The following CADPS variants were observed in gnomAD, a reference collection of about 807,000 sequenced individuals.
CADPS encodes calcium dependent secretion activator.
A neutral mutation model predicts 167.3 loss-of-function variants in CADPS; 57 were observed. The ratio of observed to expected loss-of-function variants is 0.34; its 90% CI spans 0.28 to 0.42. The LOEUF is 0.42. CADPS is among the 20% of genes least tolerant of loss of function. The probability of loss-of-function intolerance (pLI) is 1.00; values close to 1 mark genes in which losing one functional copy is unlikely to be tolerated. For missense variants in CADPS, 1,414 were observed against 1,738.1 expected (o/e 0.81, Z 3.32); for synonymous variants, 676 against 635.3 (o/e 1.06, Z -0.96).
chr3:62,618,703 C>A (rs2062714638), intron 6 of CADPS, among the ~76,000 whole-genome samples: 1 of 152,168 alleles, frequency 6.6e-6, no homozygotes. Flanking sequence ...ACTGGGCTGG[C>A]ACTACTGCAT....
chr3:62,630,409 C>G (rs2065055766), intron 6 of CADPS, among the ~76,000 whole-genome samples: 2 of 152,172 alleles, frequency 1.3e-5, no homozygotes, highest in African/African-American at 2.4e-5. Context: ...GGTGAGATCT[C>G]TGTTCACTGC....
At chr3:62,520,230 C>A (rs2070142405) in intron 13 of CADPS, among the ~76,000 whole-genome samples, 1 of 152,172 alleles carries the variant, frequency 6.6e-6, no homozygotes, top group African/African-American at 2.4e-5. Flanking sequence ...CATTCATTAC[C>A]CTACAAGCCT....
chr3:62,555,686 C>T (rs187679064), intron 10 of CADPS, among the ~76,000 whole-genome samples: 284 of 152,194 alleles, frequency 1.9e-3, no homozygotes, highest in Middle Eastern at 6.8e-3. Context: ...GTATTGATTT[C>T]CCTTCTCATA....
intron 1 of CADPS, among the ~76,000 whole-genome samples, chr3:62,770,479 G>A (rs1037777496): frequency 2.6e-5 from 4 of 152,148 alleles, no homozygotes; most frequent in South Asian, 4.1e-4. Flanking sequence ...AGGCTGGAGT[G>A]CAGTGGTGCC....
rs2059828810 is a variant in CADPS at position 62,465,428 on chromosome 3, A to C, written c.3575T>G (p.Val1192Gly). 12 of 1,609,728 alleles carry C rather than the reference A, an allele frequency of 7.5e-6. No individual in the cohort carries two copies. Among genetic ancestry groups the C allele is most frequent in the Non-Finnish European group, 1.0e-5 (12 of 1,178,228 alleles). Residue 1192 changes from valine (V) to glycine (G), a missense_variant, in exon 26 of 30, where the codon GTG (valine) becomes GGG (glycine). Transcript: ENST00000383710. The surrounding 1 kb of genome is among the most constrained non-coding windows in gnomAD (Gnocchi z 4.1). Reference sequence around the variant, plus strand: ...GTCATATCTGGATAATTTTGCCAGCACTCCTTCCAAGATAGTAACGAACTA... The same window carrying C: ...GTCATATCTGGATAATTTTGCCAGCCCTCCTTCCAAGATAGTAACGAACTA... ...VAKFVTILEG[V>G]LAKLSRYDEG... is the part of the protein sequence containing the mutation.
intron 3 of CADPS, among the ~76,000 whole-genome samples, chr3:62,736,918 T>C (rs1618807): frequency 0.66 from 100,862 of 151,964 alleles, 35,660 homozygotes; most frequent in African/African-American, 0.92. Flanking sequence ...GCAGGTTAAT[T>C]GCGAGGTTAG....
intron 3 of CADPS, among the ~76,000 whole-genome samples, chr3:62,672,028 C>G (rs758205460): frequency 1.3e-5 from 2 of 152,162 alleles, no homozygotes; most frequent in Non-Finnish European, 2.9e-5. Context: ...GATCCACCCA[C>G]CTCAGCCTCT....
chr3:62,596,749 A>G (rs1451656829), intron 6 of CADPS, among the ~76,000 whole-genome samples: 1 of 152,194 alleles, frequency 6.6e-6, no homozygotes, highest in African/African-American at 2.4e-5. Flanking sequence ...ACACATATTT[A>G]TCAAGCACTT....
rs554950742 is a variant in CADPS at position 62,399,432 on chromosome 3, C to T, written c.4036G>A (p.Asp1346Asn). ...GLQGISMKDS[D>N]EEDEEDD ...TAATCGTCTTCTTCGTCTTCCTCAT[C>T]GCTGTCCTTCATGCTGATGCCCTGC... The change falls in exon 30 of 30, where the codon GAT (aspartate) becomes AAT (asparagine). Residue 1346 changes from aspartate to asparagine, a missense_variant. By Grantham distance (23) the Asp-to-Asn change is conservative. This residue lies in a region of CADPS where 185 missense variants were observed against 251.5 expected (regional missense o/e 0.74). Transcript: ENST00000383710. This position sits in a 1 kb window ranked among gnomAD's most constrained non-coding sequence, Gnocchi z 5.6. 9 of 1,614,172 alleles carry T rather than the reference C, an allele frequency of 5.6e-6. No homozygotes were observed. The highest frequency in any genetic ancestry group is 2.2e-5 in the East Asian group (1 of 44,884).
chr3:62,747,239 T>C (rs941477716), intron 3 of CADPS, among the ~76,000 whole-genome samples: 7 of 152,240 alleles, frequency 4.6e-5, no homozygotes, highest in Non-Finnish European at 1.0e-4. Flanking sequence ...ATTTCTTCTG[T>C]AGATATTCAG....
chr3:62,600,764 C>T (rs150519960), intron 6 of CADPS, among the ~76,000 whole-genome samples: 275 of 152,302 alleles, frequency 1.8e-3, no homozygotes, highest in African/African-American at 6.0e-3. Context: ...ACACTTATAA[C>T]GTGTGAGAGT....
intron 3 of CADPS, among the ~76,000 whole-genome samples, chr3:62,752,216 G>A (rs1486078534): frequency 6.6e-6 from 1 of 152,102 alleles, no homozygotes; most frequent in Non-Finnish European, 1.5e-5. Flanking sequence ...CTGCTACATG[G>A]TGGGATGTAG....
At chr3:62,405,285 T>C (rs756882712) in intron 28 of CADPS, among the ~76,000 whole-genome samples, 1 of 151,692 alleles carries the variant, frequency 6.6e-6, no homozygotes, top group Non-Finnish European at 1.5e-5. Context: ...GAGGGGTACA[T>C]CTCAGGGACA....
intron 3 of CADPS, among the ~76,000 whole-genome samples, chr3:62,670,905 GC>G (rs2075395506): frequency 1.3e-5 from 2 of 152,130 alleles, no homozygotes. Context: ...TATAGGAATT[GC>G]TAGCAAGCTT....
chr3:62,530,611 A>G (rs776235434), intron 13 of CADPS: 1 of 1,208,354 alleles, frequency 8.3e-7, no homozygotes, highest in South Asian at 1.5e-5. Context: ...GGGAAAGGGT[A>G]AAGATATTAC....
chr3:62,614,429 T>C (rs975069072), intron 6 of CADPS, among the ~76,000 whole-genome samples: 1 of 152,198 alleles, frequency 6.6e-6, no homozygotes, highest in Non-Finnish European at 1.5e-5. Flanking sequence ...AGCATTTTAA[T>C]GATGATTTTC....
intron 26 of CADPS, among the ~76,000 whole-genome samples, chr3:62,453,533 G>T (rs186410174): frequency 1.4e-4 from 22 of 152,230 alleles, no homozygotes; most frequent in Non-Finnish European, 2.8e-4. Flanking sequence ...ACATAATCTG[G>T]ATGCTCTAAG....
Position 62,458,111 on chromosome 3 carries a change from G to A in CADPS, c.3636+7256C>T, listed in dbSNP as rs565638673. Among the ~76,000 whole-genome samples, 25 of 152,110 alleles carry A rather than the reference G, an allele frequency of 1.6e-4. No individual in the cohort carries two copies. The highest frequency in any genetic ancestry group is 2.2e-4 in the Non-Finnish European group (15 of 68,022). ...AAAAAATTTTTAAAAAAGCACCAGG[G>A]TCATGTAAACTTTCTTACAGTTTTG... On this transcript the variant is annotated intron_variant, in intron 26 of 29. Transcript: ENST00000383710. The surrounding 1 kb of genome is among the most constrained non-coding windows in gnomAD (Gnocchi z 4.6).
At chr3:62,766,733 C>G (rs992958860) in intron 1 of CADPS, among the ~76,000 whole-genome samples, 2 of 152,140 alleles carry the variant, frequency 1.3e-5, no homozygotes, top group Admixed American at 1.3e-4. Context: ...GATTCCTACT[C>G]ATTCTTCCTC....
Sources: gnomAD v4.1 joint callset for allele counts (sites outside exome capture counted in the v4.1 genomes callset) on GRCh38, gnomAD v4.1.1 for gene constraint, gnomAD v4.1.1 regional missense constraint, Gnocchi (gnomAD v3.1) non-coding constraint, MANE v1.5 for transcripts, NCBI Gene and HGNC (gene_info 2026-07-23, HGNC 2026-07-21) for gene names.